Variants in SAMD4B observed in about 807,000 individuals in gnomAD.
SAMD4B encodes protein Smaug homolog 2.
Under a neutral mutation model 74.5 loss-of-function variants are expected in SAMD4B, and 5 were observed. The observed-to-expected ratio is 0.07, with a 90% CI of 0.04 to 0.14. The LOEUF (loss-of-function observed/expected upper bound fraction) is 0.14. SAMD4B is among the 10% of genes least tolerant of loss of function. The pLI, the probability that SAMD4B is intolerant of heterozygous loss-of-function variation, is 1.00. For synonymous variants in SAMD4B, 373 were observed against 374.9 expected, an observed-to-expected ratio of 1.00 and a Z score of 0.06; for missense variants, 608 against 921.8, an observed-to-expected ratio of 0.66 and a Z score of 4.41.
chr19:39,369,638 T>C lies in SAMD4B; in HGVS notation c.197-17T>C. On this transcript the variant is annotated splice_polypyrimidine_tract_variant and intron_variant, in intron 3 of 13. Transcript: ENST00000610417. Reference sequence around the variant, plus strand: ...CCACCCTGGCTCTCCTGATATTTCTTCTTATCCCTTCTGTAGCCATCGTCA... The same window carrying C: ...CCACCCTGGCTCTCCTGATATTTCTCCTTATCCCTTCTGTAGCCATCGTCA... 1.2e-6 allele frequency: 2 copies of C among 1,609,200 alleles called. No homozygotes were observed. Among genetic ancestry groups the C allele is most frequent in the Non-Finnish European group, 1.7e-6 (2 of 1,176,730 alleles).
At chr19:39,380,477 G>GAC (rs1424777532) in intron 10 of SAMD4B, 110 bp from the exon 11 acceptor site, 1 of 1,131,838 alleles carries the variant, frequency 8.8e-7, no homozygotes, top group African/African-American at 1.5e-5. Flanking sequence ...ATGTGTGATG[G>GAC]AGGTTTATGT....
At chr19:39,376,917 C>CA in intron 7 of SAMD4B, 126 bp downstream of exon 7, 1 of 724,022 alleles carries the variant, frequency 1.4e-6, no homozygotes, top group Admixed American at 2.5e-5. Context: ...CCTAGGGACC[C>CA]AGACTTCAGG....
At chr19:39,374,021 A>C (rs1260721708) in intron 4 of SAMD4B, among the ~76,000 whole-genome samples, 1 of 151,938 alleles carries the variant, frequency 6.6e-6, no homozygotes, top group East Asian at 1.9e-4. Context: ...TAATCCCAGC[A>C]CTTTGGGAGG....
At chr19:39,374,615 G>T (rs2077496243) in intron 4 of SAMD4B, among the ~76,000 whole-genome samples, 1 of 152,190 alleles carries the variant, frequency 6.6e-6, no homozygotes, top group Admixed American at 6.5e-5. Context: ...GCTGAGGTGG[G>T]CGGATCACGA....
At chr19:39,356,443 A>C (rs2076347231) in intron 2 of SAMD4B, among the ~76,000 whole-genome samples, 1 of 152,160 alleles carries the variant, frequency 6.6e-6, no homozygotes, top group African/African-American at 2.4e-5. Flanking sequence ...GCCAGGTGTG[A>C]GGGCCAACAT....
At chr19:39,346,779 A>G (rs1006687951) in intron 1 of SAMD4B, among the ~76,000 whole-genome samples, 6 of 152,216 alleles carry the variant, frequency 3.9e-5, no homozygotes, top group African/African-American at 1.4e-4. Context: ...GGGTCTGGAC[A>G]GGATTTGTAT....
At chr19:39,387,120 ACT>A, downstream of SAMD4B, 1 of 459,854 alleles carries the variant, frequency 2.2e-6, no homozygotes. Context: ...ATCATACAGT[ACT>A]CTTACACAAA....
downstream of SAMD4B, among the ~76,000 whole-genome samples, chr19:39,387,912 C>G (rs1265484258): frequency 6.6e-6 from 1 of 152,126 alleles, no homozygotes; most frequent in Non-Finnish European, 1.5e-5. Context: ...CCGAGGCAGG[C>G]AGATCACCTG....
Position 39,376,781 on chromosome 19 carries a change from C to A in SAMD4B, c.1094C>A (p.Ser365Tyr). Residue 365 changes from serine to tyrosine, a missense_variant, in exon 7 of 14, where the codon TCC becomes TAC. By Grantham distance (144) the Ser-to-Tyr change is moderately radical (BLOSUM62 -2). Transcript: ENST00000610417. ...CGTGAGAGACAGAGCGTCCTCAAGT[C>A]CCTAGAGAAGGTGAGGACCTGGTTT... ...KLRERQSVLKSLEKDVLEGGN... is the reference protein window; with the variant it reads ...KLRERQSVLKYLEKDVLEGGN... 1 of 1,614,048 alleles carries A rather than the reference C, an allele frequency of 6.2e-7. No individual in the cohort carries two copies. The highest frequency in any genetic ancestry group is 1.1e-5 in the South Asian group (1 of 91,058).
downstream of SAMD4B, chr19:39,390,269 A>C: frequency 6.2e-7 from 1 of 1,613,658 alleles, no homozygotes; most frequent in Non-Finnish European, 8.5e-7. Flanking sequence ...CCTCTCAGGC[A>C]GAGTCCGGTG....
chr19:39,351,902 C>T (rs1401007333), intron 1 of SAMD4B: 1 of 152,258 alleles, frequency 6.6e-6, no homozygotes, highest in Non-Finnish European at 1.5e-5. Flanking sequence ...ACAGTTCCTT[C>T]TCCAAGGGGA....
chr19:39,379,397 C>A (rs1042522341), intron 9 of SAMD4B, among the ~76,000 whole-genome samples: 1 of 152,166 alleles, frequency 6.6e-6, no homozygotes, highest in African/African-American at 2.4e-5. Context: ...CCTTTACCAA[C>A]CCCTCATTTT....
chr19:39,370,136 G>T lies in SAMD4B; in HGVS notation c.667+11G>T, dbSNP rs149927770. 4.1e-4 allele frequency: 646 copies of T among 1,567,682 alleles called. 4 individuals are homozygous for T. The East Asian group carries it at 0.01, about 25-fold the overall frequency. On this transcript the variant is annotated intron_variant, in intron 4 of 13. Transcript: ENST00000610417. ...GCAATGCAAACACAGGTAAGTGGCGGGGGTGTCCCAGAAGGCCATGCCTAC... is the reference window on the plus strand; with the variant it reads ...GCAATGCAAACACAGGTAAGTGGCGTGGGTGTCCCAGAAGGCCATGCCTAC...
chr19:39,354,910 T>G (rs62119689), intron 2 of SAMD4B, among the ~76,000 whole-genome samples: 1,820 of 152,330 alleles, frequency 0.012, 11 homozygotes, highest in Non-Finnish European at 0.019. Flanking sequence ...AGTTTCCCTG[T>G]CACCCAGGCT....
intron 3 of SAMD4B, among the ~76,000 whole-genome samples, chr19:39,366,545 C>T (rs1600553241): frequency 1.3e-5 from 2 of 152,204 alleles, no homozygotes; most frequent in South Asian, 2.1e-4. Flanking sequence ...CAAGAAAATG[C>T]ACAGTCTTTA....
intron 1 of SAMD4B, 61 bp downstream of exon 1, chr19:39,342,637 C>A (rs1363534082): frequency 1.4e-5 from 2 of 147,198 alleles, no homozygotes; most frequent in Non-Finnish European, 3.0e-5. Context: ...GGGCTCCCCT[C>A]AGGGCGACCC....
At chr19:39,370,514 C>G (rs1349453661) in intron 4 of SAMD4B, among the ~76,000 whole-genome samples, 4 of 152,152 alleles carry the variant, frequency 2.6e-5, no homozygotes, top group African/African-American at 9.7e-5. Flanking sequence ...GCCCTTTAGA[C>G]CCTGCACAAG....
At position 39,356,863 on chromosome 19, in the gene SAMD4B, G is replaced by A. The variant is rs765961824; in HGVS notation, c.-31G>A. On this transcript the variant is annotated 5_prime_UTR_variant, in exon 3 of 14. Transcript: ENST00000610417. Reference sequence around the variant, plus strand: ...GACGGCGCTGGCCCTCGCCACCGCCGTCCCCCGACCCTGGCCCCAGGCCCG... The same window carrying A: ...GACGGCGCTGGCCCTCGCCACCGCCATCCCCCGACCCTGGCCCCAGGCCCG... The A allele has an allele frequency of 3.0e-5, 48 of 1,578,840 alleles. No individual in the cohort carries two copies. Among genetic ancestry groups the A allele is most frequent in the Non-Finnish European group, 3.7e-5 (43 of 1,157,526 alleles).
chr19:39,389,619 C>T (rs776215575), downstream of SAMD4B: 1 of 1,614,156 alleles, frequency 6.2e-7, no homozygotes, highest in Non-Finnish European at 8.5e-7. The surrounding 1 kb of genome is among the most constrained non-coding windows in gnomAD (Gnocchi z 5.3). Flanking sequence ...TAGAGCAGAC[C>T]CTCCCTGTCT....
Sources: allele counts gnomAD v4.1 joint callset (sites outside exome capture counted in the v4.1 genomes callset), GRCh38; gene constraint gnomAD v4.1.1; non-coding constraint Gnocchi (gnomAD v3.1); transcripts MANE v1.5; gene names NCBI Gene and HGNC (gene_info 2026-07-23, HGNC 2026-07-21).